The following CTR9 variants were observed in gnomAD, a reference collection of about 807,000 sequenced individuals.
The protein encoded by CTR9 is RNA polymerase-associated protein CTR9 homolog.
Under a neutral mutation model 152.1 loss-of-function variants are expected in CTR9, and 41 were observed. The ratio of observed to expected loss-of-function variants is 0.27; its 90% confidence interval spans 0.21 to 0.35. The LOEUF (loss-of-function observed/expected upper bound fraction) is 0.35, where lower values mean the gene tolerates loss of function less well. CTR9 is among the 10% of genes least tolerant of loss of function. The probability of loss-of-function intolerance (pLI) is 1.00; values close to 1 mark genes in which losing one functional copy is unlikely to be tolerated. For synonymous variants in CTR9, 476 were observed against 496.2 expected (o/e 0.96, Z 0.54); for missense variants, 917 against 1,424.4 (o/e 0.64, Z 5.73).
In CTR9 at chr11:10,756,756, T is replaced by A; in HGVS notation, c.510T>A (p.Ala170=). The stretch of plus-strand genomic sequence containing the variant: ...TTTTAAAAATCATTACAGGTAAAGC[T>A]TGCATTTCCTTCAACAAGAAGGATT... The part of the protein sequence containing the change: ...PNNIPALLGK[A]CISFNKKDYR... The change falls in exon 5 of 25, where the codon GCT becomes GCA. Residue 170 remains alanine (A), a synonymous_variant. Coordinates refer to ENST00000361367, the MANE Select transcript of CTR9 (RefSeq NM_014633.5). 4 of 1,609,996 alleles carry A rather than the reference T, an allele frequency of 2.5e-6. No individual in the cohort carries two copies. Among genetic ancestry groups the A allele is most frequent in the Non-Finnish European group, 3.4e-6 (4 of 1,177,900 alleles).
Position 10,778,943 on chromosome 11 carries a change from C to T in CTR9, c.3360C>T (p.Asp1120=). 4 of 1,614,176 alleles carry T rather than the reference C, an allele frequency of 2.5e-6. No individual in the cohort carries two copies. The highest frequency in any genetic ancestry group is 2.5e-6 in the Non-Finnish European group (3 of 1,180,036). Residue 1120 remains aspartate, a synonymous_variant, in exon 25 of 25, where the codon GAC becomes GAT. Transcript: ENST00000361367. ...GRSHSGVSEN[D]SRPASPSAES... is the part of the protein sequence containing the mutation. Reference sequence around the variant, plus strand: ...GCCACTCAGGAGTTTCTGAGAACGACTCTCGCCCAGCTTCTCCAAGTGCCG... The same window carrying T: ...GCCACTCAGGAGTTTCTGAGAACGATTCTCGCCCAGCTTCTCCAAGTGCCG...
At chr11:10,776,333 G>A (rs1338040410) in intron 24 of CTR9, among the ~76,000 whole-genome samples, 1 of 152,112 alleles carries the variant, frequency 6.6e-6, no homozygotes, top group East Asian at 1.9e-4. Context: ...GTTGTGCGGT[G>A]GTAAGTCAAC....
intron 16 of CTR9, 33 bp from the exon 17 acceptor site, chr11:10,770,177 T>C: frequency 7.1e-7 from 1 of 1,415,930 alleles, no homozygotes; most frequent in Non-Finnish European, 9.8e-7. Context: ...TATTCTTTGT[T>C]GTGTTTTAAT....
rs748421835 is a variant in CTR9, at chr11:10,770,540, C to T, written c.2280C>T (p.Val760=). 2.5e-6 allele frequency: 4 copies of T among 1,613,954 alleles called. No individual in the cohort carries two copies. The highest frequency in any genetic ancestry group is 3.4e-6 in the Non-Finnish European group (4 of 1,179,950). The stretch of plus-strand genomic sequence containing the variant: ...TTCTTATGTTTAATGTGGCCTTGGT[C>T]CTGCAAAGATTAGCTACCTCTGTCC... The part of the protein sequence containing the change: ...DTVLMFNVAL[V]LQRLATSVLK... Residue 760 remains valine, a synonymous_variant, in exon 18 of 25, where the codon GTC becomes GTT. Transcript: ENST00000361367.
In CTR9 at chr11:10,755,720, G is replaced by A; in HGVS notation, c.427G>A (p.Asp143Asn). 7 of 1,613,450 alleles carry A rather than the reference G, an allele frequency of 4.3e-6. No individual in the cohort carries two copies. The highest frequency in any genetic ancestry group is 5.9e-6 in the Non-Finnish European group (7 of 1,179,628). Residue 143 changes from aspartate to asparagine, a missense_variant, in exon 4 of 25, where the codon GAC (aspartate) becomes AAC (asparagine). This residue lies in a region of CTR9 where 110 missense variants were observed against 149.5 expected (regional missense o/e 0.74). Coordinates refer to ENST00000361367, the MANE Select transcript of CTR9 (RefSeq NM_014633.5). Reference protein sequence around the residue: ...GRACFCLLEGDKMDQADAQFH... With the variant: ...GRACFCLLEGNKMDQADAQFH... The stretch of plus-strand genomic sequence containing the variant: ...AGCCTGCTTCTGCCTACTTGAGGGT[G>A]ACAAAATGGATCAAGCTGATGCACA...
Position 10,751,469 on chromosome 11 carries a change from G to T in CTR9, c.45+12G>T, listed in dbSNP as rs1393042585. 2 of 1,613,326 alleles carry T rather than the reference G, an allele frequency of 1.2e-6. No homozygotes were observed. Among genetic ancestry groups the T allele is most frequent in the African/African-American group, 1.3e-5 (1 of 74,940 alleles). On this transcript the variant is annotated intron_variant, in intron 1 of 24. Coordinates refer to ENST00000361367, the MANE Select transcript of CTR9 (RefSeq NM_014633.5). Reference sequence around the variant, plus strand: ...GGGACACTGACGAGGTAAGTGTCGTGTATGGAGGCGGGTGGGGGCCATGAA... The same window carrying T: ...GGGACACTGACGAGGTAAGTGTCGTTTATGGAGGCGGGTGGGGGCCATGAA...
In CTR9 at chr11:10,778,919, C is replaced by A. The variant is rs1301165950; in HGVS notation, c.3336C>A (p.Ser1112Arg). ...SDNESVQSGR[S>R]HSGVSENDSR... ...ATGAATCTGTGCAGTCAGGGAGAAG[C>A]CACTCAGGAGTTTCTGAGAACGACT... The change falls in exon 25 of 25, where the codon AGC becomes AGA. Residue 1112 changes from serine to arginine, a missense_variant. Ser to Arg is a moderately radical substitution (Grantham distance 110, BLOSUM62 -1). Around this residue, in one of 9 missense-constraint regions of CTR9, gnomAD observed 384 missense variants for 398.4 expected, o/e 0.96. Transcript: ENST00000361367. The A allele has an allele frequency of 3.7e-6, 6 of 1,614,070 alleles. No homozygotes were observed. Among genetic ancestry groups the A allele is most frequent in the Non-Finnish European group, 5.1e-6 (6 of 1,180,040 alleles).
At chr11:10,759,667 G>A (rs1169124156) in intron 5 of CTR9, among the ~76,000 whole-genome samples, 3 of 152,200 alleles carry the variant, frequency 2.0e-5, no homozygotes. Context: ...TGCTGGAGCA[G>A]TATTCTTAAA....
At chr11:10,757,757 G>C (rs1045155908) in intron 5 of CTR9, among the ~76,000 whole-genome samples, 3 of 152,168 alleles carry the variant, frequency 2.0e-5, no homozygotes, top group Non-Finnish European at 4.4e-5. Context: ...CTGCCCTCAT[G>C]GAGTCCAGTT....
rs566964618 is a variant in CTR9, at chr11:10,760,456, G to A, written c.741+135G>A. The A allele has an allele frequency of 3.9e-6, 3 of 770,844 alleles. No individual in the cohort carries two copies. In the African/African-American group the frequency reaches 5.3e-5, roughly 13 times the overall value. The allele number at this position is 770,844 out of a possible 1,614,324, so 47.8% of individuals were successfully genotyped here. The stretch of plus-strand genomic sequence containing the variant: ...CAGAAGGGTACCTGTACTTTGTAAT[G>A]TATAACACCTAGTTATTGGGGCACT... On this transcript the variant is annotated intron_variant, in intron 6 of 24. Coordinates refer to ENST00000361367, the MANE Select transcript of CTR9 (RefSeq NM_014633.5).
Position 10,755,746 on chromosome 11 carries a change from G to A in CTR9, c.453G>A (p.Gln151=). The change falls in exon 4 of 25, where the codon CAG becomes CAA. Residue 151 remains glutamine, a synonymous_variant. Coordinates refer to ENST00000361367, the MANE Select transcript of CTR9 (RefSeq NM_014633.5). ...EGDKMDQADA[Q]FHFVLNQSPN... ...ACAAAATGGATCAAGCTGATGCACAGTTTCATTTTGTACTCAATCAGTCTC... is the reference window on the plus strand; with the variant it reads ...ACAAAATGGATCAAGCTGATGCACAATTTCATTTTGTACTCAATCAGTCTC... The A allele has an allele frequency of 6.2e-7, 1 of 1,613,338 alleles. No homozygotes were observed. The highest frequency in any genetic ancestry group is 1.7e-4 in the Middle Eastern group (1 of 6,058).
intron 4 of CTR9, among the ~76,000 whole-genome samples, chr11:10,756,072 C>T (rs1862879132): frequency 6.6e-6 from 1 of 152,182 alleles, no homozygotes; most frequent in African/African-American, 2.4e-5. Flanking sequence ...CTTTGAGAGA[C>T]TGAGGCAGGA....
chr11:10,761,860 C>T (rs980982154), intron 6 of CTR9, 87 bp from the exon 7 acceptor site: 2 of 774,892 alleles, frequency 2.6e-6, no homozygotes, highest in Non-Finnish European at 4.2e-6. Flanking sequence ...GGATTTATAA[C>T]TTATTTCTTG....
Position 10,767,134 on chromosome 11 carries a change from T to C in CTR9, c.1686+644T>C, listed in dbSNP as rs1205638123. 1 of 152,756 alleles carries C rather than the reference T, an allele frequency of 6.5e-6. No homozygotes were observed. The highest frequency in any genetic ancestry group is 1.9e-4 in the East Asian group (1 of 5,206). 9.5% of individuals were successfully genotyped at this position (152,756 alleles called of 1,614,324 possible). On this transcript the variant is annotated intron_variant, in intron 13 of 24. Transcript: ENST00000361367. The surrounding 1 kb of genome is among the most constrained non-coding windows in gnomAD (Gnocchi z 4.0). Reference sequence around the variant, plus strand: ...ATCAACTCAGTTTGAAAACCACTCATGTGGGGGTCTACAACAAGAAGTGTA... The same window carrying C: ...ATCAACTCAGTTTGAAAACCACTCACGTGGGGGTCTACAACAAGAAGTGTA...
intron 19 of CTR9, 98 bp downstream of exon 19, chr11:10,771,714 C>A (rs1863145916): frequency 7.4e-6 from 6 of 809,070 alleles, no homozygotes; most frequent in African/African-American, 1.7e-5. Flanking sequence ...TCCTGACCTT[C>A]CACAGGTCAG....
At chr11:10,771,655 C>A (rs767431147) in intron 19 of CTR9, 39 bp downstream of exon 19, 1 of 1,469,336 alleles carries the variant, frequency 6.8e-7, no homozygotes. Context: ...TTGGGTGAGG[C>A]AGTGATATTT....
chr11:10,758,770 A>G (rs796326384), intron 5 of CTR9, among the ~76,000 whole-genome samples: 28 of 152,216 alleles, frequency 1.8e-4, no homozygotes, highest in African/African-American at 6.7e-4. Context: ...TCCCCCTCAC[A>G]TGGAGCAATA....
chr11:10,771,814 T>G (rs1446606421), intron 19 of CTR9, among the ~76,000 whole-genome samples, 198 bp downstream of exon 19: 1 of 152,212 alleles, frequency 6.6e-6, no homozygotes, highest in African/African-American at 2.4e-5. Flanking sequence ...TACAAGTACT[T>G]GAGTTCTGGG....
chr11:10,756,405 C>T (rs1590017853), intron 4 of CTR9, among the ~76,000 whole-genome samples: 2 of 152,230 alleles, frequency 1.3e-5, no homozygotes, highest in East Asian at 3.9e-4. Context: ...TTCCTCCTCC[C>T]ACCCTCCACC....
Sources: allele counts gnomAD v4.1 joint callset (sites outside exome capture counted in the v4.1 genomes callset), GRCh38; gene constraint gnomAD v4.1.1; regional missense constraint gnomAD v4.1.1; non-coding constraint Gnocchi (gnomAD v3.1); transcripts MANE v1.5; gene names NCBI Gene and HGNC (gene_info 2026-07-23, HGNC 2026-07-21).